Variants in DGKB observed in about 807,000 individuals in gnomAD.
DGKB encodes 90 kDa diacylglycerol kinase.
Under a neutral mutation model 114.3 loss-of-function variants are expected in DGKB, and 67 were observed. That is an observed-to-expected ratio of 0.59 (90% confidence interval 0.48 to 0.72). The LOEUF is 0.72. Among genes scored for constraint, DGKB ranks in the 30% least tolerant of loss-of-function variants. The probability of loss-of-function intolerance (pLI) is 0.00; values close to 1 mark genes in which losing one functional copy is unlikely to be tolerated. For synonymous variants in DGKB, 398 were observed against 323.1 expected (o/e 1.23, Z -2.49); for missense variants, 907 against 975.2 (o/e 0.93, Z 0.93).
chr7:14,403,163 A>AT (rs1823396009), intron 21 of DGKB, among the ~76,000 whole-genome samples: 2 of 151,822 alleles, frequency 1.3e-5, no homozygotes, highest in Non-Finnish European at 2.9e-5. Flanking sequence ...AAGAAATTAC[A>AT]TATATATACA....
intron 13 of DGKB, among the ~76,000 whole-genome samples, chr7:14,636,915 A>C (rs1455768325): frequency 1.3e-5 from 2 of 151,936 alleles, no homozygotes; most frequent in Non-Finnish European, 2.9e-5. Flanking sequence ...TTTAAGCAGC[A>C]CATTCAAATA....
At chr7:14,307,521 C>T (rs1804689792) in intron 23 of DGKB, among the ~76,000 whole-genome samples, 1 of 152,054 alleles carries the variant, frequency 6.6e-6, no homozygotes, top group Non-Finnish European at 1.5e-5. Context: ...TGCATATAGG[C>T]AAAGAACAGC....
At chr7:14,424,214 C>T (rs1300857079) in intron 21 of DGKB, among the ~76,000 whole-genome samples, 1 of 152,040 alleles carries the variant, frequency 6.6e-6, no homozygotes, top group Non-Finnish European at 1.5e-5. Flanking sequence ...AACCTCTGCT[C>T]TTTTTCTGTC....
At chr7:14,685,052 G>T (rs923207769) in intron 10 of DGKB, among the ~76,000 whole-genome samples, 193 bp downstream of exon 10, 1 of 151,944 alleles carries the variant, frequency 6.6e-6, no homozygotes, top group Non-Finnish European at 1.5e-5. Flanking sequence ...TTTTTCCAAC[G>T]GTAGGTTTTT....
chr7:14,177,067 G>A (rs1334628934), intron 24 of DGKB, among the ~76,000 whole-genome samples, 168 bp from the exon 25 acceptor site: 1 of 152,098 alleles, frequency 6.6e-6, no homozygotes. Context: ...TAAATACCCT[G>A]AAAAGTACCT....
chr7:14,503,004 G>A (rs1333777848), intron 20 of DGKB, among the ~76,000 whole-genome samples: 1 of 152,040 alleles, frequency 6.6e-6, no homozygotes, highest in African/African-American at 2.4e-5. Context: ...CATTTGAGAG[G>A]ACTAGCTCTT....
At chr7:14,263,048 T>C (rs912407348) in intron 23 of DGKB, among the ~76,000 whole-genome samples, 3 of 152,208 alleles carry the variant, frequency 2.0e-5, no homozygotes, top group Non-Finnish European at 2.9e-5. Context: ...AGAAATACTA[T>C]GCATTATGTA....
chr7:14,629,085 G>A (rs76930199), intron 14 of DGKB, among the ~76,000 whole-genome samples: 291 of 151,952 alleles, frequency 1.9e-3, no homozygotes, highest in African/African-American at 6.4e-3. Context: ...GCCTATATTT[G>A]CTTGATTGGG....
At chr7:14,366,017 T>G (rs936035840) in intron 21 of DGKB, among the ~76,000 whole-genome samples, 11 of 152,058 alleles carry the variant, frequency 7.2e-5, no homozygotes, top group African/African-American at 2.7e-4. Flanking sequence ...AGTCTTGAAA[T>G]CCATTAATAG....
intron 23 of DGKB, among the ~76,000 whole-genome samples, chr7:14,279,622 C>G (rs6970467): frequency 6.6e-6 from 1 of 152,054 alleles, no homozygotes; most frequent in Non-Finnish European, 1.5e-5. Flanking sequence ...CTGAGAGATC[C>G]GCTGTTAGTC....
intron 21 of DGKB, among the ~76,000 whole-genome samples, chr7:14,359,026 G>A (rs534028620): frequency 1.3e-5 from 2 of 152,168 alleles, no homozygotes; most frequent in African/African-American, 2.4e-5. Context: ...AAAGCTGGAA[G>A]CATCAGGCTA....
intron 1 of DGKB, among the ~76,000 whole-genome samples, chr7:14,852,699 G>C (rs1057193123): frequency 3.9e-5 from 6 of 152,032 alleles, no homozygotes; most frequent in African/African-American, 1.4e-4. Flanking sequence ...TTCCCCGCCA[G>C]GATAGAATAC....
chr7:14,467,618 A>C (rs1314304644), intron 21 of DGKB, among the ~76,000 whole-genome samples: 1 of 152,182 alleles, frequency 6.6e-6, no homozygotes, highest in East Asian at 1.9e-4. Flanking sequence ...AAAATGCTGC[A>C]TATGTGAGAA....
intron 25 of DGKB, among the ~76,000 whole-genome samples, chr7:14,162,649 G>C (rs558291154): frequency 2.0e-5 from 3 of 152,018 alleles, no homozygotes; most frequent in African/African-American, 7.2e-5. Context: ...ATTAATTCAG[G>C]TTTCAAAATA....
At chr7:14,466,179 C>T (rs930100049) in intron 21 of DGKB, among the ~76,000 whole-genome samples, 1 of 152,158 alleles carries the variant, frequency 6.6e-6, no homozygotes, top group Non-Finnish European at 1.5e-5. Context: ...TCTTATCTTT[C>T]ATTGAAAAAT....
intron 20 of DGKB, among the ~76,000 whole-genome samples, chr7:14,501,057 T>C (rs1432320584): frequency 3.3e-5 from 5 of 151,838 alleles, no homozygotes; most frequent in Admixed American, 3.3e-4. Context: ...ATAAAACTAT[T>C]TCTCATCCTG....
At chr7:14,472,585 G>A (rs1781580395) in intron 21 of DGKB, among the ~76,000 whole-genome samples, 1 of 152,190 alleles carries the variant, frequency 6.6e-6, no homozygotes, top group African/African-American at 2.4e-5. Context: ...AAATGTGAGA[G>A]CAACTTTGGA....
intron 13 of DGKB, among the ~76,000 whole-genome samples, chr7:14,632,505 T>G (rs146932328): frequency 1.3e-5 from 2 of 151,988 alleles, no homozygotes; most frequent in East Asian, 3.9e-4. Flanking sequence ...GATTTTTTTA[T>G]TGTTAGTGAA....
intron 21 of DGKB, among the ~76,000 whole-genome samples, chr7:14,354,507 CAAGAA>C (rs1814091066): frequency 6.6e-6 from 1 of 151,822 alleles, no homozygotes; most frequent in Non-Finnish European, 1.5e-5. Flanking sequence ...TATGTTTATA[CAAGAA>C]AAGAAGAGAT....
Sources: allele counts gnomAD v4.1 joint callset (sites outside exome capture counted in the v4.1 genomes callset), GRCh38; gene constraint gnomAD v4.1.1; transcripts MANE v1.5; gene names NCBI Gene and HGNC (gene_info 2026-07-23, HGNC 2026-07-21).